FANK1: variants seen among roughly 807,000 people sequenced by gnomAD.
FANK1 encodes the protein fibronectin type 3 and ankyrin repeat domains protein 1.
A neutral mutation model predicts 45.3 loss-of-function variants in FANK1; 44 were observed. The ratio of observed to expected loss-of-function variants is 0.97; its 90% CI spans 0.76 to 1.25. The LOEUF is 1.25. Among genes scored for constraint, FANK1 ranks in the 50% most tolerant of loss-of-function variants. FANK1 has a pLI of 0.00. For missense variants in FANK1, 391 were observed against 424.4 expected (o/e 0.92, Z 0.69); for synonymous variants, 149 against 152.5 (o/e 0.98, Z 0.17).
intron 1 of FANK1, chr10:125,973,907 A>T (rs867263946): frequency 6.6e-6 from 1 of 151,940 alleles, no homozygotes; most frequent in African/African-American, 2.4e-5. Context: ...TTTGCGTGTT[A>T]TGTAGTGTGT....
intron 1 of FANK1, among the ~76,000 whole-genome samples, chr10:125,909,341 T>C (rs990161010): frequency 6.6e-6 from 1 of 152,188 alleles, no homozygotes; most frequent in Non-Finnish European, 1.5e-5. Context: ...GATTAGCAAC[T>C]GGAATACTGT....
chr10:125,911,962 C>T (rs1361031675), intron 1 of FANK1, among the ~76,000 whole-genome samples: 1 of 152,106 alleles, frequency 6.6e-6, no homozygotes, highest in Admixed American at 6.6e-5. Context: ...GGAAAAAATG[C>T]GATGTAGAAT....
At chr10:125,907,859 AC>A (rs1277474890) in intron 1 of FANK1, among the ~76,000 whole-genome samples, 4 of 152,088 alleles carry the variant, frequency 2.6e-5, no homozygotes, top group Admixed American at 6.6e-5. Context: ...TTTGTCAACA[AC>A]CTGAATGAGC....
intron 1 of FANK1, among the ~76,000 whole-genome samples, chr10:125,941,599 T>A (rs1948456650): frequency 6.6e-6 from 1 of 152,226 alleles, no homozygotes; most frequent in Non-Finnish European, 1.5e-5. Flanking sequence ...ACCAAGAATG[T>A]TCATAGCTGT....
At chr10:125,974,351 C>T (rs1273278120) in intron 1 of FANK1, among the ~76,000 whole-genome samples, 2 of 152,124 alleles carry the variant, frequency 1.3e-5, no homozygotes, top group Non-Finnish European at 2.9e-5. Flanking sequence ...GGGTGCTGGT[C>T]AGCTACTTGG....
intron 1 of FANK1, chr10:125,979,796 C>T (rs879090090): frequency 4.3e-6 from 2 of 464,936 alleles, no homozygotes; most frequent in Admixed American, 2.3e-5. Context: ...TCAGATAGAG[C>T]ATTTGTCTCT....
At chr10:125,933,980 A>G (rs977444710) in intron 1 of FANK1, among the ~76,000 whole-genome samples, 1 of 152,120 alleles carries the variant, frequency 6.6e-6, no homozygotes, top group Non-Finnish European at 1.5e-5. Context: ...ATTTTATTCC[A>G]CTGTTATCTG....
At chr10:125,973,440 T>C (rs1950644556) in intron 1 of FANK1, 1 of 985,284 alleles carries the variant, frequency 1.0e-6, no homozygotes, top group African/African-American at 1.7e-5. Flanking sequence ...ATGTGAGTCA[T>C]TGTGACATCA....
intron 1 of FANK1, among the ~76,000 whole-genome samples, chr10:125,941,903 A>G (rs1387851514): frequency 6.6e-6 from 1 of 152,240 alleles, no homozygotes; most frequent in Non-Finnish European, 1.5e-5. Flanking sequence ...GGGATAATGT[A>G]TGCAAAACTG....
intron 1 of FANK1, among the ~76,000 whole-genome samples, chr10:125,936,954 C>G (rs796949172): frequency 8.5e-5 from 13 of 152,144 alleles, no homozygotes; most frequent in African/African-American, 3.1e-4. Flanking sequence ...GTAATCCCAG[C>G]TACTCCGGAG....
At chr10:125,968,476 G>T (rs543771990) in intron 1 of FANK1, among the ~76,000 whole-genome samples, 1 of 152,284 alleles carries the variant, frequency 6.6e-6, no homozygotes, top group African/African-American at 2.4e-5. Context: ...TGGAAGAGCA[G>T]GGAAACTACA....
chr10:125,995,418 A>G lies in FANK1; in HGVS notation c.318A>G (p.Arg106=). The part of the protein sequence containing the change: ...YSPLVSVSTT[R]EPISSEHLHR... Reference sequence around the variant, plus strand: ...CTGCCTTCCATCTCATTTCTCCAGGAGAGCCCATAAGTAGTGAGCACTTGC... The same window carrying G: ...CTGCCTTCCATCTCATTTCTCCAGGGGAGCCCATAAGTAGTGAGCACTTGC... Residue 106 remains arginine (R), a splice_region_variant and synonymous_variant, in exon 4 of 11, where the codon AGA becomes AGG. Coordinates refer to ENST00000368693, the MANE Select transcript of FANK1 (RefSeq NM_145235.5). 6.2e-7 allele frequency: 1 copy of G among 1,614,108 alleles called. No homozygotes were observed. The highest frequency in any genetic ancestry group is 8.5e-7 in the Non-Finnish European group (1 of 1,179,956).
chr10:125,940,180 A>G lies in FANK1; in HGVS notation c.14-39981A>G, dbSNP rs185948922. ...AGACACAGAGACAAAGTATAGAGAA[A>G]GAACAGTGGGCCCAGGAGACCGGTG... On this transcript the variant is annotated intron_variant, in intron 1 of 10. Transcript: ENST00000368693. 2.4e-4 allele frequency among the ~76,000 whole-genome samples: 36 copies of G among 152,286 alleles called. 1 individual carries two copies. The highest frequency in any genetic ancestry group is 5.2e-4 in the Admixed American group (8 of 15,288).
intron 6 of FANK1, chr10:126,004,160 TAAAAAAAA>T (rs3067291): frequency 1.5e-5 from 2 of 132,262 alleles, no homozygotes; most frequent in Non-Finnish European, 3.1e-5. Context: ...ATTTTATCCT[TAAAAAAAA>T]AAAAAAAAAA....
At chr10:125,992,569 G>C (rs1952021039) in intron 3 of FANK1, among the ~76,000 whole-genome samples, 1 of 152,116 alleles carries the variant, frequency 6.6e-6, no homozygotes, top group Admixed American at 6.5e-5. Flanking sequence ...GCTGGAATTG[G>C]CATTACATTT....
chr10:125,928,257 G>A (rs11244704), intron 1 of FANK1, among the ~76,000 whole-genome samples: 68,829 of 141,468 alleles, frequency 0.49, 16,902 homozygotes, highest in African/African-American at 0.6. Flanking sequence ...TGGATTATTC[G>A]TGCCTTTTTT....
At position 125,988,610 on chromosome 10, in the gene FANK1, G is replaced by A. The variant is rs139083336; in HGVS notation, c.251G>A (p.Arg84His). ...GLEPRTLYRF[R>H]LKVTSPSGEC... ...GAACCAAGGACGCTGTACAGATTTC[G>A]CCTGAAGGTCACCAGCCCCTCTGGG... The change falls in exon 3 of 11, where the codon CGC becomes CAC. Residue 84 changes from arginine to histidine, a missense_variant. Arg to His is a conservative substitution (Grantham distance 29). Transcript: ENST00000368693. 2.3e-4 allele frequency: 376 copies of A among 1,614,138 alleles called. 1 individual carries two copies. In the African/African-American group the frequency reaches 3.6e-3, roughly 15 times the overall value.
At chr10:125,970,056 C>G (rs1283068635) in intron 1 of FANK1, among the ~76,000 whole-genome samples, 2 of 152,236 alleles carry the variant, frequency 1.3e-5, no homozygotes, top group African/African-American at 4.8e-5. Flanking sequence ...AATCTGATCT[C>G]TCTTTCTTTT....
intron 1 of FANK1, among the ~76,000 whole-genome samples, chr10:125,971,694 TCACTGCAAAC>T (rs1200728938): frequency 6.6e-6 from 1 of 152,108 alleles, no homozygotes; most frequent in African/African-American, 2.4e-5. Context: ...TGATCTTGGC[TCACTGCAAAC>T]TCCGCCTCCT....
Sources: gnomAD v4.1 joint callset for allele counts (sites outside exome capture counted in the v4.1 genomes callset) on GRCh38, gnomAD v4.1.1 for gene constraint, MANE v1.5 for transcripts, NCBI Gene and HGNC (gene_info 2026-07-23, HGNC 2026-07-21) for gene names.